Variants in CRYBG2 observed in about 807,000 individuals in gnomAD.
CRYBG2 encodes the protein beta/gamma crystallin domain-containing protein 2.
CRYBG2 carries 106 observed loss-of-function variants against 153.4 expected under a neutral mutation model. The observed-to-expected ratio is 0.69, with a 90% CI of 0.59 to 0.81. The LOEUF (loss-of-function observed/expected upper bound fraction) is 0.81. Among genes scored for constraint, CRYBG2 ranks in the 30% least tolerant of loss-of-function variants. The pLI is 0.00. For synonymous variants in CRYBG2, 851 were observed against 877.8 expected (o/e 0.97, Z 0.54); for missense variants, 1,996 against 2,112.0 (o/e 0.95, Z 1.08).
At chr1:26,328,569 A>C (rs1308783814) in intron 16 of CRYBG2, 165 bp downstream of exon 16, 16 of 1,193,398 alleles carry the variant, frequency 1.3e-5, no homozygotes, top group Non-Finnish European at 1.8e-5. Context: ...AAGCCCTGAG[A>C]GCCAGTGACC....
At chr1:26,329,017 T>G in intron 15 of CRYBG2, 144 bp from the exon 16 acceptor site, 2 of 990,734 alleles carry the variant, frequency 2.0e-6, no homozygotes, top group Non-Finnish European at 2.9e-6. Context: ...CCACTGATTC[T>G]TGGACGCTGC....
intron 15 of CRYBG2, among the ~76,000 whole-genome samples, chr1:26,329,810 A>G (rs1197388893): frequency 6.6e-6 from 1 of 152,156 alleles, no homozygotes; most frequent in Non-Finnish European, 1.5e-5. Flanking sequence ...CAGTGGCGCA[A>G]TCTCAGCTCA....
At chr1:26,329,472 A>G (rs1490344637) in intron 15 of CRYBG2, among the ~76,000 whole-genome samples, 1 of 134,908 alleles carries the variant, frequency 7.4e-6, no homozygotes, top group Non-Finnish European at 1.6e-5. Flanking sequence ...CACCATGCGC[A>G]GCTTAGATTT....
In CRYBG2 at chr1:26,345,888, G is replaced by C. The variant is rs200161530; in HGVS notation, c.770C>G (p.Thr257Arg). The C allele has an allele frequency of 1.0e-5, 16 of 1,597,578 alleles. No individual in the cohort carries two copies. The Admixed American group carries it at 2.5e-4, about 25-fold the overall frequency. ...SPPASHLPRP[T>R]AGGPRSTGLG... Reference sequence around the variant, plus strand: ...ACCTGTGCTCCTTGGCCCGCCAGCCGTGGGCCTGGGCAGGTGACTGGCAGG... The same window carrying C: ...ACCTGTGCTCCTTGGCCCGCCAGCCCTGGGCCTGGGCAGGTGACTGGCAGG... The change falls in exon 2 of 20, where the codon ACG becomes AGG. Residue 257 changes from threonine (T) to arginine (R), a missense_variant. Thr to Arg is a moderately conservative substitution (Grantham distance 71, BLOSUM62 -1). Coordinates refer to ENST00000308182, the MANE Select transcript of CRYBG2 (RefSeq NM_001039775.4).
In CRYBG2 at chr1:26,328,266, G is replaced by A. The variant is rs1433890413; in HGVS notation, c.4521C>T (p.Thr1507=). The A allele has an allele frequency of 3.2e-6, 5 of 1,567,250 alleles. No homozygotes were observed. In the African/African-American group the frequency reaches 6.8e-5, roughly 21 times the overall value. ...GGGTGCCGCTGTAGGTCAGCCAGTT[G>A]GTGATCTCGCAGCTTCCCACCAGCC... The part of the protein sequence containing the change: ...RQWLVGSCEI[T]NWLTYSGTQR... Residue 1507 remains threonine (T), a synonymous_variant, in exon 17 of 20, where the codon ACC becomes ACT. Coordinates refer to ENST00000308182, the MANE Select transcript of CRYBG2 (RefSeq NM_001039775.4).
Position 26,345,301 on chromosome 1 carries a change from C to T in CRYBG2, c.1357G>A (p.Val453Ile), listed in dbSNP as rs770322006. The T allele has an allele frequency of 2.2e-5, 35 of 1,613,518 alleles. No homozygotes were observed. Among genetic ancestry groups the T allele is most frequent in the Non-Finnish European group, 2.8e-5 (33 of 1,179,888 alleles). The change falls in exon 2 of 20, where the codon GTC (valine) becomes ATC (isoleucine). Residue 453 changes from valine (V) to isoleucine (I), a missense_variant. By Grantham distance (29) the Val-to-Ile change is conservative. Transcript: ENST00000308182. ...CTCTGGGTAAAGGGGAGGACAGGGA[C>T]ATTTTCAGAGTTCTGAACAAACTTA... The part of the protein sequence containing the change: ...RNKFVQNSEN[V>I]PVLPFTQREV...
At chr1:26,349,650 T>C (rs2074266180) in intron 1 of CRYBG2, among the ~76,000 whole-genome samples, 1 of 152,116 alleles carries the variant, frequency 6.6e-6, no homozygotes, top group Non-Finnish European at 1.5e-5. Context: ...AAAACTCATG[T>C]TGAAACTTAA....
In CRYBG2 at chr1:26,344,057, C is replaced by A. The variant is rs913363407; in HGVS notation, c.2601G>T (p.Gln867His). 6.5e-7 allele frequency: 1 copy of A among 1,536,156 alleles called. No homozygotes were observed. Among genetic ancestry groups the A allele is most frequent in the Admixed American group, 2.0e-5 (1 of 51,004 alleles). ...TCATCTCCAGAGGAGAGCAGGAGAC[C>A]TGGGTGGGTCTGGCAGGGTGGAGGT... is the stretch of plus-strand genomic sequence containing the variant. Reference protein sequence around the residue: ...SRDLHPARPTQVSCSPLEMMK... With the variant: ...SRDLHPARPTHVSCSPLEMMK... Residue 867 changes from glutamine (Q) to histidine (H), a missense_variant, in exon 2 of 20, where the codon CAG becomes CAT. Transcript: ENST00000308182.
At position 26,336,838 on chromosome 1, in the gene CRYBG2, T is replaced by C. The variant is rs1278971300; in HGVS notation, c.3911+3A>G. 1 of 1,588,238 alleles carries C rather than the reference T, an allele frequency of 6.3e-7. No homozygotes were observed. Among genetic ancestry groups the C allele is most frequent in the Non-Finnish European group, 8.6e-7 (1 of 1,168,766 alleles). On this transcript the variant is annotated splice_donor_region_variant and intron_variant, in intron 11 of 19. Coordinates refer to ENST00000308182, the MANE Select transcript of CRYBG2 (RefSeq NM_001039775.4). This position sits in a 1 kb window ranked among gnomAD's most constrained non-coding sequence, Gnocchi z 4.9. The stretch of plus-strand genomic sequence containing the variant: ...CCCCGCTCCCGGAGCCCGGGTCACT[T>C]ACACGCCGCTGAGCACGTGGATGGC...
intron 15 of CRYBG2, among the ~76,000 whole-genome samples, chr1:26,330,746 C>G (rs761997534): frequency 6.6e-6 from 1 of 151,892 alleles, no homozygotes; most frequent in Non-Finnish European, 1.5e-5. Flanking sequence ...ACCATGTTGG[C>G]CAAGCTGGTC....
chr1:26,336,454 G>A lies in CRYBG2; in HGVS notation c.4039-84C>T. 1 of 1,567,172 alleles carries A rather than the reference G, an allele frequency of 6.4e-7. No homozygotes were observed. Among genetic ancestry groups the A allele is most frequent in the Non-Finnish European group, 8.7e-7 (1 of 1,156,046 alleles). On this transcript the variant is annotated intron_variant, in intron 12 of 19. Coordinates refer to ENST00000308182, the MANE Select transcript of CRYBG2 (RefSeq NM_001039775.4). This position sits in a 1 kb window ranked among gnomAD's most constrained non-coding sequence, Gnocchi z 4.9. ...TCTAGGTTTCAGTACCGTCCACCCC[G>A]CGGCCGCGCCCTCGGCCCCGCCCCC...
Position 26,346,581 on chromosome 1 carries a change from G to T in CRYBG2, c.77C>A (p.Pro26His), listed in dbSNP as rs765632366. ...VSATLTWRQR[P>H]PTQEEIKHGF... is the part of the protein sequence containing the mutation. ...ATGTTTGATCTCTTCCTGGGTGGGG[G>T]GCCGCTGCCGCCATGTCAATGTGGC... The change falls in exon 2 of 20, where the codon CCC (proline) becomes CAC (histidine). Residue 26 changes from proline (P) to histidine (H), a missense_variant. Transcript: ENST00000308182. The surrounding 1 kb of genome is among the most constrained non-coding windows in gnomAD (Gnocchi z 4.9). 1 of 1,598,076 alleles carries T rather than the reference G, an allele frequency of 6.3e-7. No homozygotes were observed. The highest frequency in any genetic ancestry group is 1.1e-5 in the South Asian group (1 of 88,668).
intron 5 of CRYBG2, among the ~76,000 whole-genome samples, chr1:26,340,987 C>T (rs1180298676): frequency 6.6e-6 from 1 of 152,016 alleles, no homozygotes; most frequent in Admixed American, 6.6e-5. Flanking sequence ...GAGCGCTCAT[C>T]ATCTCCTACC....
rs2124027741 is a variant in CRYBG2, at chr1:26,345,603, G to A, written c.1055C>T (p.Pro352Leu). The A allele has an allele frequency of 1.2e-6, 2 of 1,600,782 alleles. No homozygotes were observed. Among genetic ancestry groups the A allele is most frequent in the African/African-American group, 1.3e-5 (1 of 75,038 alleles). Residue 352 changes from proline to leucine, a missense_variant, in exon 2 of 20, where the codon CCC becomes CTC. By Grantham distance (98) the Pro-to-Leu change is moderately conservative (BLOSUM62 -3). Coordinates refer to ENST00000308182, the MANE Select transcript of CRYBG2 (RefSeq NM_001039775.4). ...ATGGGTCTCGAGTCTGGGAGAGGAG[G>A]GGACTGATGCTTGACCCTGAGAAGT... ...LQTSQGQASVPSSPRLETHVP... is the reference protein window; with the variant it reads ...LQTSQGQASVLSSPRLETHVP...
chr1:26,331,728 C>A, intron 14 of CRYBG2, 110 bp from the exon 15 acceptor site: 8 of 1,419,518 alleles, frequency 5.6e-6, no homozygotes, highest in Non-Finnish European at 6.8e-6. Context: ...ATCCCCTGTC[C>A]CAGGGGAGGT....
rs1334631426 is a variant in CRYBG2, at chr1:26,344,217, C to T, written c.2441G>A (p.Gly814Asp). 6.5e-7 allele frequency: 1 copy of T among 1,535,654 alleles called. No homozygotes were observed. Among genetic ancestry groups the T allele is most frequent in the Admixed American group, 2.0e-5 (1 of 50,906 alleles). The change falls in exon 2 of 20, where the codon GGC (glycine) becomes GAC (aspartate). Residue 814 changes from glycine to aspartate, a missense_variant. Transcript: ENST00000308182. ...TGAAGGCACCTCCTGGGGTCCGGGG[C>T]CCAGCACCCATGGCCCCAGCTGGTC... is the stretch of plus-strand genomic sequence containing the variant. Reference protein sequence around the residue: ...EEDQLGPWVLGPGPQEVPSLE... With the variant: ...EEDQLGPWVLDPGPQEVPSLE...
rs983204257 is a variant in CRYBG2, at chr1:26,343,202, C to G, written c.2962-43G>C. The G allele has an allele frequency of 1.3e-6, 2 of 1,550,662 alleles. No homozygotes were observed. Among genetic ancestry groups the G allele is most frequent in the Admixed American group, 2.0e-5 (1 of 51,006 alleles). Reference sequence around the variant, plus strand: ...GGGTCCTCAGGCCCTGACCCCAGGCCCCTGCATCCTGCTGCCCCCACCCAC... The same window carrying G: ...GGGTCCTCAGGCCCTGACCCCAGGCGCCTGCATCCTGCTGCCCCCACCCAC... On this transcript the variant is annotated intron_variant, in intron 3 of 19. Transcript: ENST00000308182. The surrounding 1 kb of genome is among the most constrained non-coding windows in gnomAD (Gnocchi z 4.1).
At position 26,345,729 on chromosome 1, in the gene CRYBG2, G is replaced by A. The variant is rs1008082209; in HGVS notation, c.929C>T (p.Ala310Val). The part of the protein sequence containing the change: ...AHLPKNQDAP[A>V]ACPDRDQGRA... ...GCCCTGGTCTCTGTCCGGACAGGCT[G>A]CAGGGGCATCCTGATTCTTAGGCAG... The change falls in exon 2 of 20, where the codon GCA becomes GTA. Residue 310 changes from alanine (A) to valine (V), a missense_variant. Coordinates refer to ENST00000308182, the MANE Select transcript of CRYBG2 (RefSeq NM_001039775.4). 1.3e-6 allele frequency: 2 copies of A among 1,597,198 alleles called. No homozygotes were observed. The highest frequency in any genetic ancestry group is 2.7e-5 in the African/African-American group (2 of 74,890).
chr1:26,331,715 A>G lies in CRYBG2; in HGVS notation c.4185-97T>C, dbSNP rs2073999388. ...CAGAAGAGGGAATGCAGACTTGATC[A>G]TGATCCCCTGTCCCAGGGGAGGTGG... On this transcript the variant is annotated intron_variant, in intron 14 of 19. Coordinates refer to ENST00000308182, the MANE Select transcript of CRYBG2 (RefSeq NM_001039775.4). 5 of 1,509,946 alleles carry G rather than the reference A, an allele frequency of 3.3e-6. No individual in the cohort carries two copies. The Middle Eastern group carries it at 5.2e-4, about 157-fold the overall frequency. 93.5% of individuals were successfully genotyped at this position (1,509,946 alleles called of 1,614,324 possible).
Sources: allele counts gnomAD v4.1 joint callset (sites outside exome capture counted in the v4.1 genomes callset), GRCh38; gene constraint gnomAD v4.1.1; non-coding constraint Gnocchi (gnomAD v3.1); transcripts MANE v1.5; gene names NCBI Gene and HGNC (gene_info 2026-07-23, HGNC 2026-07-21).